MAK: variants seen among roughly 807,000 people sequenced by gnomAD.
MAK encodes the protein serine/threonine-protein kinase MAK.
A neutral mutation model predicts 82.6 loss-of-function variants in MAK; 65 were observed. The observed-to-expected ratio is 0.79, with a 90% CI of 0.64 to 0.97. The LOEUF (loss-of-function observed/expected upper bound fraction) is 0.97. Among genes scored for constraint, MAK ranks in the 50% least tolerant of loss-of-function variants. The pLI is 0.00. For missense variants in MAK, 703 were observed against 780.2 expected, an observed-to-expected ratio of 0.90 and a Z score of 1.18; for synonymous variants, 250 against 274.2, an observed-to-expected ratio of 0.91 and a Z score of 0.87.
chr6:10,836,180 G>T (rs189351262), intron 1 of MAK, among the ~76,000 whole-genome samples: 2 of 152,296 alleles, frequency 1.3e-5, no homozygotes, highest in Non-Finnish European at 2.9e-5. Context: ...TTCTGTTTGA[G>T]GGGTGGAGTG....
chr6:10,788,043 C>T (rs942361981), intron 10 of MAK, among the ~76,000 whole-genome samples: 5 of 151,660 alleles, frequency 3.3e-5, no homozygotes, highest in Non-Finnish European at 5.9e-5. Flanking sequence ...GACAGTGTCT[C>T]GCTCTGTTGC....
chr6:10,791,403 A>G (rs1775071488), intron 10 of MAK, among the ~76,000 whole-genome samples: 1 of 152,086 alleles, frequency 6.6e-6, no homozygotes, highest in Admixed American at 6.6e-5. Context: ...AGTAGCTGGG[A>G]TTACAGGTGC....
intron 2 of MAK, among the ~76,000 whole-genome samples, chr6:10,820,031 G>A (rs1334239717): frequency 6.6e-6 from 1 of 151,786 alleles, no homozygotes; most frequent in Non-Finnish European, 1.5e-5. Context: ...AGAAGGGCGT[G>A]AACCCGGGAG....
rs1388235777 is a variant in MAK, at chr6:10,793,701, TCTTTAA to T, written c.1144-1860_1144-1855del. Among the ~76,000 whole-genome samples the T allele has an allele frequency of 3.3e-5, 5 of 152,184 alleles. No homozygotes were observed. The highest frequency in any genetic ancestry group is 7.3e-5 in the Non-Finnish European group (5 of 68,030). ...GGCGGGGCTGGGGGCTAGGTTATTC[TCTTTAA>T]CTTAGAGAATGCACACAGCGTCCCT... On this transcript the variant is annotated intron_variant, in intron 9 of 14. Coordinates refer to ENST00000354489, the MANE Select transcript of MAK (RefSeq NM_001242957.3). The surrounding 1 kb of genome is among the most constrained non-coding windows in gnomAD (Gnocchi z 4.6).
chr6:10,804,276 T>C (rs551184387), intron 6 of MAK, among the ~76,000 whole-genome samples: 86 of 152,192 alleles, frequency 5.7e-4, no homozygotes, highest in African/African-American at 1.9e-3. Context: ...CAGGATTATA[T>C]CCTGAGTAGT....
Position 10,808,929 on chromosome 6 carries a change from C to T in MAK, c.372G>A (p.Arg124=). The change falls in exon 6 of 15, where the codon AGG becomes AGA. Residue 124 remains arginine, a synonymous_variant. Coordinates refer to ENST00000354489, the MANE Select transcript of MAK (RefSeq NM_001242957.3). ...AFIHKHGFFH[R]DMKPENLLCM... ...AAAGCAAGTTTTCTGGTTTCATGTC[C>T]CTATGAAAAAAGCCTTGATGATATA... The T allele has an allele frequency of 6.2e-7, 1 of 1,613,026 alleles. No individual in the cohort carries two copies. Among genetic ancestry groups the T allele is most frequent in the Non-Finnish European group, 8.5e-7 (1 of 1,179,474 alleles).
intron 1 of MAK, among the ~76,000 whole-genome samples, chr6:10,837,404 A>C (rs757899556): frequency 3.9e-5 from 6 of 152,238 alleles, no homozygotes; most frequent in Non-Finnish European, 8.8e-5. Context: ...ACCCCGACGA[A>C]GAGATTAAAC....
chr6:10,830,622 C>G lies in MAK; in HGVS notation c.27G>C (p.Gln9His), dbSNP rs1778747774. 1 of 1,614,018 alleles carries G rather than the reference C, an allele frequency of 6.2e-7. No homozygotes were observed. Among genetic ancestry groups the G allele is most frequent in the South Asian group, 1.1e-5 (1 of 91,094 alleles). Reference sequence around the variant, plus strand: ...CACTCCCATACGTGCCGTCCCCCAACTGTCTCATGGTTGTGTATCGGTTCA... The same window carrying G: ...CACTCCCATACGTGCCGTCCCCCAAGTGTCTCATGGTTGTGTATCGGTTCA... MNRYTTMR[Q>H]LGDGTYGSVL... The change falls in exon 2 of 15, where the codon CAG becomes CAC. Residue 9 changes from glutamine (Q) to histidine (H), a missense_variant. Coordinates refer to ENST00000354489, the MANE Select transcript of MAK (RefSeq NM_001242957.3).
Position 10,800,462 on chromosome 6 carries a change from G to GT in MAK, c.831+1429dup, listed in dbSNP as rs140470166. 0.036 allele frequency among the ~76,000 whole-genome samples: 5,382 copies of GT among 151,358 alleles called. 253 individuals carry two copies. Among genetic ancestry groups the GT allele is most frequent in the African/African-American group, 0.12 (4,965 of 41,300 alleles). Reference sequence around the variant, plus strand: ...TTTCTTCTATTATTTTTATACCCGTGTTTTTTCACCTTGAGATCAAATACA... The same window carrying GT: ...TTTCTTCTATTATTTTTATACCCGTGTTTTTTTCACCTTGAGATCAAATACA... On this transcript the variant is annotated intron_variant, in intron 8 of 14. Transcript: ENST00000354489. The surrounding 1 kb of genome is among the most constrained non-coding windows in gnomAD (Gnocchi z 4.2).
intron 4 of MAK, among the ~76,000 whole-genome samples, chr6:10,817,599 T>A (rs1777591888): frequency 6.6e-6 from 1 of 152,226 alleles, no homozygotes; most frequent in Admixed American, 6.5e-5. Context: ...TTAAAAAGCA[T>A]AAATAGATAG....
intron 5 of MAK, among the ~76,000 whole-genome samples, chr6:10,810,359 T>G (rs1293725700): frequency 1.3e-5 from 2 of 148,330 alleles, no homozygotes; most frequent in African/African-American, 2.5e-5. Flanking sequence ...TTTTTTTTTT[T>G]TTTTTGTTTT....
At chr6:10,831,445 G>T (rs1315597239) in intron 1 of MAK, among the ~76,000 whole-genome samples, 3 of 152,044 alleles carry the variant, frequency 2.0e-5, no homozygotes, top group African/African-American at 7.2e-5. Context: ...GTCACACTAG[G>T]TTCATACAAA....
Position 10,801,998 on chromosome 6 carries a change from A to G in MAK, c.725T>C (p.Val242Ala), listed in dbSNP as rs1408523113. 6.2e-7 allele frequency: 1 copy of G among 1,614,116 alleles called. No homozygotes were observed. The highest frequency in any genetic ancestry group is 8.5e-7 in the Non-Finnish European group (1 of 1,179,992). ...AATAAGAGTTTTTAAGTTTATAGGA[A>G]CACACTGGGGAAAACGGAAGTTCAT... ...SSMNFRFPQC[V>A]PINLKTLIPN... is the part of the protein sequence containing the mutation. Residue 242 changes from valine (V) to alanine (A), a missense_variant, in exon 8 of 15, where the codon GTT becomes GCT. Transcript: ENST00000354489.
chr6:10,820,045 G>A (rs971494650), intron 2 of MAK, among the ~76,000 whole-genome samples: 3 of 151,856 alleles, frequency 2.0e-5, no homozygotes, highest in Admixed American at 1.3e-4. Context: ...CCGGGAGGTG[G>A]AGCTTGCAGT....
intron 6 of MAK, among the ~76,000 whole-genome samples, chr6:10,807,336 CTTTTTTTTTT>C (rs35237927): frequency 2.7e-5 from 2 of 73,758 alleles, no homozygotes; most frequent in South Asian, 5.2e-4. Context: ...ACATATATTC[CTTTTTTTTTT>C]TTTTTTTTTT....
At chr6:10,829,085 T>G (rs963567321) in intron 2 of MAK, 3 of 152,196 alleles carry the variant, frequency 2.0e-5, no homozygotes, top group Non-Finnish European at 4.4e-5. Context: ...GACTGAAACT[T>G]CGGCCAATTA....
At chr6:10,788,594 G>A (rs1459155175) in intron 10 of MAK, among the ~76,000 whole-genome samples, 5 of 152,022 alleles carry the variant, frequency 3.3e-5, no homozygotes, top group African/African-American at 9.7e-5. Flanking sequence ...TTAGCCAGGC[G>A]TGGTGGCACA....
intron 8 of MAK, 129 bp downstream of exon 8, chr6:10,801,763 C>T (rs375584407): frequency 7.3e-6 from 6 of 820,954 alleles, no homozygotes; most frequent in African/African-American, 3.4e-5. Context: ...CGCTGGATGC[C>T]TAGGACTTTG....
intron 2 of MAK, among the ~76,000 whole-genome samples, chr6:10,827,056 A>T (rs1778429481): frequency 6.6e-6 from 1 of 152,200 alleles, no homozygotes; most frequent in Non-Finnish European, 1.5e-5. Context: ...GGTTGTGGTG[A>T]GCTGAGATCG....
Sources: gnomAD v4.1 joint callset for allele counts (sites outside exome capture counted in the v4.1 genomes callset) on GRCh38, gnomAD v4.1.1 for gene constraint, Gnocchi (gnomAD v3.1) non-coding constraint, MANE v1.5 for transcripts, NCBI Gene and HGNC (gene_info 2026-07-23, HGNC 2026-07-21) for gene names.